The following SENP7 variants were observed in gnomAD, a reference collection of about 807,000 sequenced individuals.
The protein encoded by SENP7 is SUMO specific peptidase 7, also known as sentrin-specific protease 7.
In SENP7, 64 loss-of-function variants were observed where a neutral mutation model predicts 141.2. The observed-to-expected ratio is 0.45, with a 90% CI of 0.37 to 0.56. The LOEUF (loss-of-function observed/expected upper bound fraction) is 0.56. Ranked by LOEUF, SENP7 falls within the 20% of genes least tolerant of loss-of-function variation. SENP7 has a pLI of 0.00. For missense variants in SENP7, 1,025 were observed against 1,212.2 expected, an observed-to-expected ratio of 0.85 and a Z score of 2.29; for synonymous variants, 382 against 426.4, an observed-to-expected ratio of 0.90 and a Z score of 1.28.
intron 4 of SENP7, among the ~76,000 whole-genome samples, chr3:101,438,805 A>C (rs922728327): frequency 6.6e-6 from 1 of 151,226 alleles, no homozygotes; most frequent in Non-Finnish European, 1.5e-5. Context: ...AAAAAGAATG[A>C]GTATCGGTCT....
intron 12 of SENP7, among the ~76,000 whole-genome samples, chr3:101,349,268 A>G (rs1435873382): frequency 6.6e-6 from 1 of 152,148 alleles, no homozygotes; most frequent in Non-Finnish European, 1.5e-5. Flanking sequence ...TCAAAACCAG[A>G]ATGAGAGCCC....
chr3:101,451,919 A>G (rs1391449688), intron 4 of SENP7, among the ~76,000 whole-genome samples: 3 of 152,204 alleles, frequency 2.0e-5, no homozygotes, highest in Non-Finnish European at 4.4e-5. Flanking sequence ...GAGGAAGTCA[A>G]ATTGTCCCTG....
intron 3 of SENP7, among the ~76,000 whole-genome samples, chr3:101,470,140 G>A (rs1016559036): frequency 7.9e-5 from 12 of 152,018 alleles, no homozygotes; most frequent in South Asian, 2.1e-4. Flanking sequence ...ATCTAAAATC[G>A]ACACACTAAC....
At chr3:101,368,061 T>C in intron 7 of SENP7, 50 bp from the exon 8 acceptor site, 1 of 1,434,158 alleles carries the variant, frequency 7.0e-7, no homozygotes, top group Non-Finnish European at 9.6e-7. Flanking sequence ...ATAGAGAGAA[T>C]CTCTTTTAGA....
intron 6 of SENP7, among the ~76,000 whole-genome samples, chr3:101,376,586 A>T (rs2060335929): frequency 6.6e-6 from 1 of 151,954 alleles, no homozygotes; most frequent in Non-Finnish European, 1.5e-5. Flanking sequence ...TTGAACAATG[A>T]GAACACATGG....
At chr3:101,419,430 T>C (rs1386924691) in intron 4 of SENP7, among the ~76,000 whole-genome samples, 1 of 152,136 alleles carries the variant, frequency 6.6e-6, no homozygotes, top group Non-Finnish European at 1.5e-5. Context: ...AAAATGGAAG[T>C]GCTAGGAATA....
intron 4 of SENP7, among the ~76,000 whole-genome samples, chr3:101,449,803 T>C (rs2063050535): frequency 6.6e-6 from 1 of 152,058 alleles, no homozygotes; most frequent in Non-Finnish European, 1.5e-5. Flanking sequence ...AGGAAGAAAC[T>C]GCAACTAATG....
At chr3:101,468,917 T>C (rs2063866502) in intron 3 of SENP7, among the ~76,000 whole-genome samples, 1 of 152,082 alleles carries the variant, frequency 6.6e-6, no homozygotes, top group African/African-American at 2.4e-5. Flanking sequence ...ACTGGCAAAT[T>C]GGATAGAGTC....
At chr3:101,421,012 A>G (rs1413705806) in intron 4 of SENP7, among the ~76,000 whole-genome samples, 1 of 152,208 alleles carries the variant, frequency 6.6e-6, no homozygotes, top group Non-Finnish European at 1.5e-5. Flanking sequence ...TAAATAAATA[A>G]AAGACATTTT....
At chr3:101,374,641 G>C (rs59274163) in intron 6 of SENP7, among the ~76,000 whole-genome samples, 2 of 151,896 alleles carry the variant, frequency 1.3e-5, no homozygotes, top group Admixed American at 1.3e-4. Flanking sequence ...AGCTGGGCAT[G>C]ATGGTATGCC....
chr3:101,480,219 T>C (rs1439902822), intron 3 of SENP7, among the ~76,000 whole-genome samples: 1 of 152,018 alleles, frequency 6.6e-6, no homozygotes, highest in Non-Finnish European at 1.5e-5. Flanking sequence ...GCCAAAACAT[T>C]CCTGAGAAAA....
At chr3:101,488,626 G>T (rs1394070652) in intron 3 of SENP7, among the ~76,000 whole-genome samples, 2 of 152,210 alleles carry the variant, frequency 1.3e-5, no homozygotes, top group African/African-American at 4.8e-5. Context: ...TGGATTGCCT[G>T]AGCTCAGAAG....
intron 6 of SENP7, among the ~76,000 whole-genome samples, chr3:101,391,517 C>G (rs2060815632): frequency 1.3e-5 from 2 of 152,036 alleles, no homozygotes; most frequent in South Asian, 4.1e-4. Context: ...TAGAGACATA[C>G]AACCTACAAG....
chr3:101,471,812 A>G (rs1455816385), intron 3 of SENP7, among the ~76,000 whole-genome samples: 1 of 152,168 alleles, frequency 6.6e-6, no homozygotes, highest in Non-Finnish European at 1.5e-5. Context: ...GAAAAAAACA[A>G]ACAACCCCCT....
intron 4 of SENP7, among the ~76,000 whole-genome samples, chr3:101,441,790 G>A (rs891245115): frequency 8.5e-5 from 13 of 152,214 alleles, no homozygotes; most frequent in African/African-American, 3.1e-4. Context: ...CCACCCAGGG[G>A]TCCAAAGACT....
intron 3 of SENP7, among the ~76,000 whole-genome samples, chr3:101,489,503 C>CT (rs374267132): frequency 1.3e-5 from 2 of 151,890 alleles, no homozygotes; most frequent in South Asian, 2.1e-4. Context: ...AGAGCAGGAG[C>CT]CACTATTCTT....
intron 11 of SENP7, among the ~76,000 whole-genome samples, chr3:101,352,040 AGCTGACGAT>A (rs1160511936): frequency 6.6e-6 from 1 of 152,006 alleles, no homozygotes; most frequent in African/African-American, 2.4e-5. Context: ...CTGACTCAGC[AGCTGACGAT>A]GATTCCCTTG....
intron 2 of SENP7, among the ~76,000 whole-genome samples, chr3:101,495,473 C>G (rs1476121653): frequency 2.6e-5 from 4 of 152,132 alleles, no homozygotes; most frequent in Non-Finnish European, 1.5e-5. Flanking sequence ...CAACACTATT[C>G]ACAATAGCAA....
At chr3:101,462,728 C>T (rs1377450637) in intron 3 of SENP7, among the ~76,000 whole-genome samples, 1 of 151,510 alleles carries the variant, frequency 6.6e-6, no homozygotes, top group Non-Finnish European at 1.5e-5. Context: ...ATTAGCTGGG[C>T]GTGGTGGTGC....
Sources: gnomAD v4.1 joint callset for allele counts (sites outside exome capture counted in the v4.1 genomes callset) on GRCh38, gnomAD v4.1.1 for gene constraint, MANE v1.5 for transcripts, NCBI Gene and HGNC (gene_info 2026-07-23, HGNC 2026-07-21) for gene names.